The following ALOX12 variants were observed in gnomAD, a reference collection of about 807,000 sequenced individuals.
ALOX12 encodes the protein arachidonate 12-lipoxygenase, 12S type.
ALOX12 carries 62 observed loss-of-function variants against 85.5 expected under a neutral mutation model. The observed-to-expected ratio is 0.73, with a 90% CI of 0.59 to 0.90. The LOEUF (loss-of-function observed/expected upper bound fraction) is 0.90. ALOX12 is among the 40% of genes least tolerant of loss of function. The probability of loss-of-function intolerance (pLI) is 0.00; values close to 1 mark genes in which losing one functional copy is unlikely to be tolerated. For synonymous variants in ALOX12, 299 were observed against 332.7 expected (o/e 0.90, Z 1.10); for missense variants, 751 against 856.5 (o/e 0.88, Z 1.54).
chr17:7,008,428 T>C (rs1909195496), intron 11 of ALOX12, among the ~76,000 whole-genome samples: 1 of 152,200 alleles, frequency 6.6e-6, no homozygotes, highest in Non-Finnish European at 1.5e-5. Flanking sequence ...TGGGCTTTGA[T>C]TTTCTTACCT....
chr17:7,010,507 C>A lies in ALOX12; in HGVS notation c.*84C>A. 6.7e-7 allele frequency: 1 copy of A among 1,493,780 alleles called. No individual in the cohort carries two copies. Among genetic ancestry groups the A allele is most frequent in the Non-Finnish European group, 9.0e-7 (1 of 1,110,954 alleles). The allele number at this position is 1,493,780 out of a possible 1,614,324, so 92.5% of individuals were successfully genotyped here. On this transcript the variant is annotated 3_prime_UTR_variant, in exon 14 of 14. Coordinates refer to ENST00000251535, the MANE Select transcript of ALOX12 (RefSeq NM_000697.3). ...CTTGAATTTCATGCTTTCCTAAAGTCTCTGCTGCTAAGGCTCTATTTCCTC... is the reference window on the plus strand; with the variant it reads ...CTTGAATTTCATGCTTTCCTAAAGTATCTGCTGCTAAGGCTCTATTTCCTC...
rs1412414689 is a variant in ALOX12 at position 6,998,985 on chromosome 17, C to T, written c.575C>T (p.Thr192Ile). The T allele has an allele frequency of 6.2e-7, 1 of 1,614,018 alleles. No individual in the cohort carries two copies. The highest frequency in any genetic ancestry group is 8.5e-7 in the Non-Finnish European group (1 of 1,180,042). Residue 192 changes from threonine to isoleucine, a missense_variant, in exon 5 of 14, where the codon ACC (threonine) becomes ATC (isoleucine). Thr to Ile is a moderately conservative substitution (Grantham distance 89). Coordinates refer to ENST00000251535, the MANE Select transcript of ALOX12 (RefSeq NM_000697.3). ...GAGATGGCCCTCAAACGTGTTTACA[C>T]CCTCCTGAGCTCCTGGAACTGCCTA... ...ALEMALKRVY[T>I]LLSSWNCLED...
chr17:7,000,871 C>G lies in ALOX12; in HGVS notation c.951+392C>G, dbSNP rs1349794012. On this transcript the variant is annotated intron_variant, in intron 7 of 13. Transcript: ENST00000251535. This position sits in a 1 kb window ranked among gnomAD's most constrained non-coding sequence, Gnocchi z 4.6. ...CTGACACTACCAGTTCAGGACTACACTTTCAGAATCACTATCTCATCTCTC... is the reference window on the plus strand; with the variant it reads ...CTGACACTACCAGTTCAGGACTACAGTTTCAGAATCACTATCTCATCTCTC... Among the ~76,000 whole-genome samples, 2 of 152,122 alleles carry G rather than the reference C, an allele frequency of 1.3e-5. No homozygotes were observed. The highest frequency in any genetic ancestry group is 2.9e-5 in the Non-Finnish European group (2 of 68,030).
At position 6,999,295 on chromosome 17, in the gene ALOX12, G is replaced by A. The variant is rs2307218; in HGVS notation, c.647-11G>A. 2,039 of 1,614,118 alleles carry A rather than the reference G, an allele frequency of 1.3e-3. 21 individuals carry two copies. The African/African-American group carries it at 0.021, about 17-fold the overall frequency. The stretch of plus-strand genomic sequence containing the variant: ...GTGGTACATATATCCTCCTTTCACC[G>A]CCCACCAAAGAGAAGGTTCGCCAGT... On this transcript the variant is annotated splice_polypyrimidine_tract_variant and intron_variant, in intron 5 of 13. Transcript: ENST00000251535.
At chr17:6,999,669 A>T in intron 6 of ALOX12, 1 of 566,688 alleles carries the variant, frequency 1.8e-6, no homozygotes, top group Non-Finnish European at 3.1e-6. Context: ...AATAGAATGG[A>T]TCCCCAGCAC....
rs1361043208 is a variant in ALOX12 at position 6,998,721 on chromosome 17, C to T, written c.426C>T (p.Ala142=). 3.1e-6 allele frequency: 5 copies of T among 1,614,060 alleles called. No individual in the cohort carries two copies. Among genetic ancestry groups the T allele is most frequent in the Non-Finnish European group, 4.2e-6 (5 of 1,180,010 alleles). ...CTTTGTCCCCAACTCCTAGCTGGGC[C>T]ACCTGGAAGGAAGGGTTACCCCTGA... ...LKDRQQIYCW[A]TWKEGLPLTI... is the part of the protein sequence containing the mutation. The change falls in exon 4 of 14, where the codon GCC becomes GCT. Residue 142 remains alanine, a synonymous_variant. Transcript: ENST00000251535.
chr17:7,010,227 C>G lies in ALOX12; in HGVS notation c.1813-17C>G. 1.2e-6 allele frequency: 2 copies of G among 1,610,182 alleles called. No homozygotes were observed. The highest frequency in any genetic ancestry group is 8.5e-7 in the Non-Finnish European group (1 of 1,177,766). On this transcript the variant is annotated splice_polypyrimidine_tract_variant and intron_variant, in intron 13 of 13. Transcript: ENST00000251535. ...CGTTTGTCTTTAGAAACTGACTGATCCTTTGTTCTGTCTCAGGTGCCTCTG... is the reference window on the plus strand; with the variant it reads ...CGTTTGTCTTTAGAAACTGACTGATGCTTTGTTCTGTCTCAGGTGCCTCTG...
intron 10 of ALOX12, 140 bp from the exon 11 acceptor site, chr17:7,006,346 G>A (rs1909076729): frequency 8.0e-7 from 1 of 1,244,526 alleles, no homozygotes; most frequent in Admixed American, 2.2e-5. Flanking sequence ...AGATGCTAGT[G>A]TGTTTAGAGG....
At chr17:6,999,233 C>A in intron 5 of ALOX12, 73 bp from the exon 6 acceptor site, 1 of 1,595,396 alleles carries the variant, frequency 6.3e-7, no homozygotes, top group Non-Finnish European at 8.6e-7. Context: ...TATACCTGAA[C>A]CCCTGGGGTA....
At chr17:6,999,267 G>A (rs772210455) in intron 5 of ALOX12, 39 bp from the exon 6 acceptor site, 2 of 1,613,114 alleles carry the variant, frequency 1.2e-6, no homozygotes, top group Admixed American at 1.7e-5. Context: ...GGATATGCAG[G>A]CTGTGGTACA....
Position 7,010,641 on chromosome 17 carries a change from C to T in ALOX12, c.*218C>T. The T allele has an allele frequency of 2.0e-6, 1 of 496,586 alleles. No individual in the cohort carries two copies. The highest frequency in any genetic ancestry group is 3.5e-6 in the Non-Finnish European group (1 of 288,358). The allele number at this position is 496,586 out of a possible 1,614,324, so 30.8% of individuals were successfully genotyped here. A position where few individuals can be genotyped will look rare whatever the true frequency, so the allele number is the denominator to read the frequency against. Reference sequence around the variant, plus strand: ...GCTTTGCAGACCGCATAGTCACTGTCTCAACTACTCAGCTCTCCTGCTGCA... The same window carrying T: ...GCTTTGCAGACCGCATAGTCACTGTTTCAACTACTCAGCTCTCCTGCTGCA... On this transcript the variant is annotated 3_prime_UTR_variant, in exon 14 of 14. Transcript: ENST00000251535.
rs202168295 is a variant in ALOX12, at chr17:7,005,305, C to G, written c.1210C>G (p.Arg404Gly). 6.2e-7 allele frequency: 1 copy of G among 1,613,758 alleles called. No individual in the cohort carries two copies. Among genetic ancestry groups the G allele is most frequent in the Non-Finnish European group, 8.5e-7 (1 of 1,179,802 alleles). ...CACCATGGAAATCAACACCCGGGCC[C>G]GGACCCAACTCATCTCAGATGGAGG... ...RYTMEINTRARTQLISDGGIF... is the reference protein window; with the variant it reads ...RYTMEINTRAGTQLISDGGIF... The change falls in exon 9 of 14, where the codon CGG becomes GGG. Residue 404 changes from arginine to glycine, a missense_variant. Coordinates refer to ENST00000251535, the MANE Select transcript of ALOX12 (RefSeq NM_000697.3).
At chr17:7,008,263 T>G (rs1909188020) in intron 11 of ALOX12, among the ~76,000 whole-genome samples, 1 of 152,176 alleles carries the variant, frequency 6.6e-6, no homozygotes, top group South Asian at 2.1e-4. Context: ...CCCCCTGTTC[T>G]CTTTCAGTTC....
In ALOX12 at chr17:7,010,142, C is replaced by T. The variant is rs754156466; in HGVS notation, c.1812+16C>T. The T allele has an allele frequency of 5.0e-6, 8 of 1,604,454 alleles. No individual in the cohort carries two copies. Among genetic ancestry groups the T allele is most frequent in the East Asian group, 2.2e-5 (1 of 44,736 alleles). ...GCCAGACATGGTGAGAGGGGACTCT[C>T]GGGAGAGGGAAATGACAGTTGGAAA... On this transcript the variant is annotated intron_variant, in intron 13 of 13. Transcript: ENST00000251535.
At chr17:7,002,368 C>A in intron 8 of ALOX12, 1 of 389,464 alleles carries the variant, frequency 2.6e-6, no homozygotes, top group Non-Finnish European at 5.2e-6. Flanking sequence ...GAATCTAAAA[C>A]GTAGTGAAGG....
intron 11 of ALOX12, among the ~76,000 whole-genome samples, chr17:7,008,942 T>A (rs1468617940): frequency 1.3e-5 from 2 of 152,162 alleles, no homozygotes; most frequent in Non-Finnish European, 2.9e-5. Flanking sequence ...ATTTATTTTT[T>A]AATTTTTAAA....
chr17:6,998,732 A>G lies in ALOX12; in HGVS notation c.437A>G (p.Glu146Gly). ...ACTCCTAGCTGGGCCACCTGGAAGG[A>G]AGGGTTACCCCTGACCATCGCTGCA... is the stretch of plus-strand genomic sequence containing the variant. ...QQIYCWATWK[E>G]GLPLTIAADR... Residue 146 changes from glutamate (E) to glycine (G), a missense_variant, in exon 4 of 14, where the codon GAA (glutamate) becomes GGA (glycine). Physicochemically the swap from Glu to Gly is moderately conservative, Grantham distance 98. Transcript: ENST00000251535. 2 of 1,613,656 alleles carry G rather than the reference A, an allele frequency of 1.2e-6. No individual in the cohort carries two copies. The highest frequency in any genetic ancestry group is 1.7e-6 in the Non-Finnish European group (2 of 1,179,908).
chr17:6,996,160 T>C lies in ALOX12; in HGVS notation c.43T>C (p.Phe15Leu), dbSNP rs550920168. 4.8e-6 allele frequency: 6 copies of C among 1,253,564 alleles called. No individual in the cohort carries two copies. In the African/African-American group the frequency reaches 9.3e-5, roughly 19 times the overall value. The allele number at this position is 1,253,564 out of a possible 1,614,324, so 77.7% of individuals were successfully genotyped here. Residue 15 changes from phenylalanine to leucine, a missense_variant, in exon 1 of 14, where the codon TTC becomes CTC. Physicochemically the swap from Phe to Leu is conservative, Grantham distance 22. Transcript: ENST00000251535. ...CCGCGTGGCCACCGGGGCCTGGCTC[T>C]TCTCCGGGTCGTACAACCGCGTGCA... ...RIRVATGAWL[F>L]SGSYNRVQLW...
intron 8 of ALOX12, among the ~76,000 whole-genome samples, chr17:7,002,877 T>C (rs1223979646): frequency 6.6e-6 from 1 of 152,152 alleles, no homozygotes; most frequent in African/African-American, 2.4e-5. Flanking sequence ...TGGTTTTAGG[T>C]ACATGGAGTT....
Sources: gnomAD v4.1 joint callset for allele counts (sites outside exome capture counted in the v4.1 genomes callset) on GRCh38, gnomAD v4.1.1 for gene constraint, Gnocchi (gnomAD v3.1) non-coding constraint, MANE v1.5 for transcripts, NCBI Gene and HGNC (gene_info 2026-07-23, HGNC 2026-07-21) for gene names.